TRAK2: variants seen among roughly 807,000 people sequenced by gnomAD.
TRAK2 encodes the protein trafficking kinesin protein 2.
In TRAK2, 81 loss-of-function variants were observed where a neutral mutation model predicts 104.6. The observed-to-expected ratio is 0.77, with a 90% CI of 0.65 to 0.93. The LOEUF (loss-of-function observed/expected upper bound fraction) is 0.93. TRAK2 is among the 40% of genes least tolerant of loss of function. The pLI, the probability that TRAK2 is intolerant of heterozygous loss-of-function variation, is 0.00. For synonymous variants in TRAK2, 406 were observed against 394.4 expected (o/e 1.03, Z -0.35); for missense variants, 1,002 against 1,089.0 (o/e 0.92, Z 1.12).
At chr2:201,440,420 G>A (rs753099558) in intron 1 of TRAK2, among the ~76,000 whole-genome samples, 1 of 152,176 alleles carries the variant, frequency 6.6e-6, no homozygotes, top group Non-Finnish European at 1.5e-5. Context: ...GCCCTTGGCT[G>A]ACTTCCCAAA....
chr2:201,441,647 C>T (rs1296187771), intron 1 of TRAK2, among the ~76,000 whole-genome samples: 2 of 150,794 alleles, frequency 1.3e-5, no homozygotes, highest in Admixed American at 6.6e-5. Context: ...GTCTCTTCCT[C>T]CTCCTCCTTT....
intron 1 of TRAK2, among the ~76,000 whole-genome samples, chr2:201,443,413 G>C (rs1309730351): frequency 6.6e-6 from 1 of 152,084 alleles, no homozygotes; most frequent in African/African-American, 2.4e-5. Flanking sequence ...CTCCTCACTG[G>C]ATCATCCCAT....
In TRAK2 at chr2:201,389,516, G is replaced by A. The variant is rs1273706197; in HGVS notation, c.1194-13C>T. The A allele has an allele frequency of 6.2e-7, 1 of 1,612,620 alleles. No individual in the cohort carries two copies. The highest frequency in any genetic ancestry group is 1.3e-5 in the African/African-American group (1 of 74,862). ...CTTCTGTTGGGCTCTGTCAAAAAAG[G>A]AAGTGTTCGTTATTATCACTGCTAG... is the stretch of plus-strand genomic sequence containing the variant. On this transcript the variant is annotated splice_polypyrimidine_tract_variant and intron_variant, in intron 11 of 15. Coordinates refer to ENST00000332624, the MANE Select transcript of TRAK2 (RefSeq NM_015049.3).
At chr2:201,439,585 T>C (rs1335393698) in intron 1 of TRAK2, among the ~76,000 whole-genome samples, 2 of 152,050 alleles carry the variant, frequency 1.3e-5, no homozygotes, top group Admixed American at 6.5e-5. Flanking sequence ...TACTGTATTA[T>C]AATATAATGA....
At chr2:201,392,403 C>T (rs556903614) in intron 10 of TRAK2, among the ~76,000 whole-genome samples, 4 of 152,272 alleles carry the variant, frequency 2.6e-5, no homozygotes, top group African/African-American at 9.6e-5. Context: ...TTTGAACCAA[C>T]ATTACAAATT....
Position 201,399,388 on chromosome 2 carries a change from C to T in TRAK2, c.469G>A (p.Ala157Thr). The T allele has an allele frequency of 2.5e-6, 4 of 1,608,178 alleles. No homozygotes were observed. The highest frequency in any genetic ancestry group is 3.4e-6 in the Non-Finnish European group (4 of 1,175,248). ...NESLEEQLGQAFDQVNQLQHE... is the reference protein window; with the variant it reads ...NESLEEQLGQTFDQVNQLQHE... Reference sequence around the variant, plus strand: ...GATCAAAGGCTTACTTGATCAAAGGCTTGTCCCAATTGCTCCTCCAGGGAT... The same window carrying T: ...GATCAAAGGCTTACTTGATCAAAGGTTTGTCCCAATTGCTCCTCCAGGGAT... Residue 157 changes from alanine (A) to threonine (T), a missense_variant, in exon 5 of 16, where the codon GCC becomes ACC. Transcript: ENST00000332624.
intron 1 of TRAK2, among the ~76,000 whole-genome samples, chr2:201,426,100 C>T (rs571884727): frequency 8.5e-5 from 13 of 152,260 alleles, no homozygotes; most frequent in African/African-American, 2.9e-4. Flanking sequence ...TAGAACTGTA[C>T]CCATCTGTGG....
chr2:201,434,036 C>A (rs1951863803), intron 1 of TRAK2, among the ~76,000 whole-genome samples: 1 of 152,132 alleles, frequency 6.6e-6, no homozygotes, highest in Non-Finnish European at 1.5e-5. Context: ...CGGCTCACTG[C>A]AACCTCCGCC....
chr2:201,427,447 T>G (rs1951799777), intron 1 of TRAK2, among the ~76,000 whole-genome samples: 1 of 152,146 alleles, frequency 6.6e-6, no homozygotes, highest in Non-Finnish European at 1.5e-5. Context: ...TTGCGATAGT[T>G]TGCTCACAAT....
At chr2:201,422,362 A>C (rs1951750083) in intron 1 of TRAK2, among the ~76,000 whole-genome samples, 1 of 152,244 alleles carries the variant, frequency 6.6e-6, no homozygotes, top group Non-Finnish European at 1.5e-5. Context: ...TAAAAAAATC[A>C]GGAACTGTCA....
chr2:201,388,501 A>G (rs2125641944), intron 12 of TRAK2, among the ~76,000 whole-genome samples: 1 of 152,364 alleles, frequency 6.6e-6, no homozygotes, highest in East Asian at 1.9e-4. Context: ...AGAATCACCC[A>G]TCAACACTGC....
chr2:201,395,309 C>A lies in TRAK2; in HGVS notation c.900+5G>T. 1 of 1,601,412 alleles carries A rather than the reference C, an allele frequency of 6.2e-7. No individual in the cohort carries two copies. The highest frequency in any genetic ancestry group is 1.7e-5 in the Admixed American group (1 of 59,788). On this transcript the variant is annotated splice_donor_5th_base_variant and intron_variant, in intron 8 of 15. Transcript: ENST00000332624. ...AATATCTGTTGAATGAATGAATAAA[C>A]CTACTTCTTTAAGTTTGTGCTGAAG...
intron 1 of TRAK2, among the ~76,000 whole-genome samples, chr2:201,439,388 CTT>C (rs916599667): frequency 6.8e-6 from 1 of 146,914 alleles, no homozygotes; most frequent in Admixed American, 6.8e-5. Flanking sequence ...ATCTTTAATA[CTT>C]TTTTTTTTTG....
In TRAK2 at chr2:201,397,489, T is replaced by C. The variant is rs369404485; in HGVS notation, c.769+13A>G. On this transcript the variant is annotated intron_variant, in intron 7 of 15. Transcript: ENST00000332624. ...GTCCAAAAAGGTACAAAAGAGAATA[T>C]GTTAATACTCACGAAGTTCTTTAAC... 31 of 1,601,400 alleles carry C rather than the reference T, an allele frequency of 1.9e-5. No individual in the cohort carries two copies. The South Asian group carries it at 2.8e-4, about 14-fold the overall frequency.
At chr2:201,383,313 C>G (rs1008621990) in intron 15 of TRAK2, among the ~76,000 whole-genome samples, 1 of 152,116 alleles carries the variant, frequency 6.6e-6, no homozygotes, top group Non-Finnish European at 1.5e-5. Context: ...TAGGGTGAGC[C>G]AGGCCACACC....
chr2:201,389,320 G>T lies in TRAK2; in HGVS notation c.1377C>A (p.Ser459Arg), dbSNP rs1322873193. 8 of 1,614,018 alleles carry T rather than the reference G, an allele frequency of 5.0e-6. No homozygotes were observed. Among genetic ancestry groups the T allele is most frequent in the Non-Finnish European group, 6.8e-6 (8 of 1,180,014 alleles). Residue 459 changes from serine (S) to arginine (R), a missense_variant, in exon 12 of 16, where the codon AGC (serine) becomes AGA (arginine). Coordinates refer to ENST00000332624, the MANE Select transcript of TRAK2 (RefSeq NM_015049.3). ...CCTACCCTGCAACCTCCTCTGAGCT[G>T]CTCCCCTGGTTCAGGAGTGATTTGT... ...TEDKSLLNQG[S>R]SSEEVAGSSQ...
intron 1 of TRAK2, among the ~76,000 whole-genome samples, chr2:201,429,939 T>C (rs1281987282): frequency 6.6e-6 from 1 of 152,196 alleles, no homozygotes; most frequent in Non-Finnish European, 1.5e-5. Flanking sequence ...TTTTCAGCTT[T>C]TTTGCTCTGG....
chr2:201,388,157 A>C, intron 12 of TRAK2, 156 bp from the exon 13 acceptor site: 8 of 734,008 alleles, frequency 1.1e-5, no homozygotes, highest in East Asian at 2.8e-5. Context: ...ACAAACCAAA[A>C]TCACCAACAA....
chr2:201,416,964 A>G (rs1469625547), intron 2 of TRAK2, among the ~76,000 whole-genome samples: 1 of 152,112 alleles, frequency 6.6e-6, no homozygotes, highest in East Asian at 1.9e-4. Context: ...ATTAAAATTA[A>G]ATGGTCCAAA....
Sources: allele counts gnomAD v4.1 joint callset (sites outside exome capture counted in the v4.1 genomes callset), GRCh38; gene constraint gnomAD v4.1.1; transcripts MANE v1.5; gene names NCBI Gene and HGNC (gene_info 2026-07-23, HGNC 2026-07-21).